Variants in BRSK1 observed in about 807,000 individuals in gnomAD.
BRSK1 encodes the protein serine/threonine-protein kinase BRSK1.
A neutral mutation model predicts 86.2 loss-of-function variants in BRSK1; 17 were observed. That is an observed-to-expected ratio of 0.20 (90% CI 0.14 to 0.30). BRSK1 has a LOEUF of 0.30. BRSK1 is among the 10% of genes least tolerant of loss of function. The probability of loss-of-function intolerance (pLI) is 1.00; values close to 1 mark genes in which losing one functional copy is unlikely to be tolerated. For missense variants in BRSK1, 719 were observed against 1,071.9 expected (o/e 0.67, Z 4.60); for synonymous variants, 464 against 440.1 (o/e 1.05, Z -0.68).
chr19:55,301,542 C>T lies in BRSK1; in HGVS notation c.709C>T (p.Arg237Cys). The change falls in exon 8 of 19, where the codon CGC becomes TGC. Residue 237 changes from arginine to cysteine, a missense_variant. Coordinates refer to ENST00000309383, the MANE Select transcript of BRSK1 (RefSeq NM_032430.2). Reference sequence around the variant, plus strand: ...TCTGCCCTTTGATGACGACAACCTCCGCCAGCTGCTGGAGAAGGTGAAACG... The same window carrying T: ...TCTGCCCTTTGATGACGACAACCTCTGCCAGCTGCTGGAGAAGGTGAAACG... ...GALPFDDDNL[R>C]QLLEKVKRGV... 1 of 1,613,910 alleles carries T rather than the reference C, an allele frequency of 6.2e-7. No individual in the cohort carries two copies. Among genetic ancestry groups the T allele is most frequent in the Non-Finnish European group, 8.5e-7 (1 of 1,179,956 alleles).
In BRSK1 at chr19:55,303,496, A is replaced by G; in HGVS notation, c.1126+88A>G. On this transcript the variant is annotated intron_variant, in intron 11 of 18. Transcript: ENST00000309383. The surrounding 1 kb of genome is among the most constrained non-coding windows in gnomAD (Gnocchi z 5.1). ...GGGACCCCAGATTCCCAAGGAAAGA[A>G]GGGGCTGCAGGCTCTGAGCTTCCAG... 6.7e-7 allele frequency: 1 copy of G among 1,495,884 alleles called. No individual in the cohort carries two copies. Among genetic ancestry groups the G allele is most frequent in the Admixed American group, 1.7e-5 (1 of 57,372 alleles). 92.7% of individuals were successfully genotyped at this position (1,495,884 alleles called of 1,614,324 possible). A position where few individuals can be genotyped will look rare whatever the true frequency, so the allele number is the denominator to read the frequency against.
In BRSK1 at chr19:55,291,029, T is replaced by C. The variant is rs907017292; in HGVS notation, c.458+1409T>C. Among the ~76,000 whole-genome samples the C allele has an allele frequency of 5.9e-5, 9 of 152,258 alleles. No individual in the cohort carries two copies. The East Asian group carries it at 1.2e-3, about 20-fold the overall frequency. Reference sequence around the variant, plus strand: ...TTCTGTATATTTTCTAGAAGTTGTATAGTTATAGCTCTTGCATTTAGGTCT... The same window carrying C: ...TTCTGTATATTTTCTAGAAGTTGTACAGTTATAGCTCTTGCATTTAGGTCT... On this transcript the variant is annotated intron_variant, in intron 4 of 18. Coordinates refer to ENST00000309383, the MANE Select transcript of BRSK1 (RefSeq NM_032430.2).
Position 55,306,082 on chromosome 19 carries a change from G to A in BRSK1, c.1891-170G>A, listed in dbSNP as rs1043471516. ...ACCATTCCTCCCTTACTCGCTGATA[G>A]GATAGAGAAAGCTACAAGTCCTTGC... On this transcript the variant is annotated intron_variant, in intron 16 of 18. Transcript: ENST00000309383. This position sits in a 1 kb window ranked among gnomAD's most constrained non-coding sequence, Gnocchi z 4.7. Among the ~76,000 whole-genome samples, 2 of 152,186 alleles carry A rather than the reference G, an allele frequency of 1.3e-5. No homozygotes were observed. The highest frequency in any genetic ancestry group is 1.9e-4 in the East Asian group (1 of 5,200).
At chr19:55,291,632 C>T (rs982561523) in intron 4 of BRSK1, among the ~76,000 whole-genome samples, 1 of 152,312 alleles carries the variant, frequency 6.6e-6, no homozygotes, top group African/African-American at 2.4e-5. Context: ...CATCTTTTAG[C>T]CTCCTTCATT....
chr19:55,303,067 G>T lies in BRSK1; in HGVS notation c.1028+200G>T, dbSNP rs1035469680. 4.3e-5 allele frequency: 29 copies of T among 669,554 alleles called. No individual in the cohort carries two copies. Among genetic ancestry groups the T allele is most frequent in the Non-Finnish European group, 6.5e-5 (26 of 400,760 alleles). 41.5% of individuals were successfully genotyped at this position (669,554 alleles called of 1,614,324 possible). ...AAGTATTAATAGATGCTGCGACATA[G>T]TACTTACATATACATAGTACTTACA... On this transcript the variant is annotated intron_variant, in intron 10 of 18. Transcript: ENST00000309383. The surrounding 1 kb of genome is among the most constrained non-coding windows in gnomAD (Gnocchi z 5.1).
In BRSK1 at chr19:55,303,996, G is replaced by GT. The variant is rs1430942632; in HGVS notation, c.1287-49dup. On this transcript the variant is annotated intron_variant, in intron 12 of 18. Transcript: ENST00000309383. The surrounding 1 kb of genome is among the most constrained non-coding windows in gnomAD (Gnocchi z 5.1). ...CTGTAGAAGTGAGGGAACATCTGTGGTTTTTGAAACCCTCCCATCTGATTT... is the reference window on the plus strand; with the variant it reads ...CTGTAGAAGTGAGGGAACATCTGTGGTTTTTTGAAACCCTCCCATCTGATTT... 1.9e-6 allele frequency: 3 copies of GT among 1,561,666 alleles called. No individual in the cohort carries two copies. The African/African-American group carries it at 4.1e-5, about 21-fold the overall frequency.
At chr19:55,290,936 C>T (rs555310603) in intron 4 of BRSK1, among the ~76,000 whole-genome samples, 13 of 151,474 alleles carry the variant, frequency 8.6e-5, no homozygotes, top group African/African-American at 2.7e-4. Flanking sequence ...CCACCGCGCC[C>T]GGCCTACACC....
At chr19:55,298,157 C>T (rs900903769) in intron 7 of BRSK1, among the ~76,000 whole-genome samples, 4 of 149,698 alleles carry the variant, frequency 2.7e-5, no homozygotes, top group Non-Finnish European at 4.4e-5. Flanking sequence ...AAGCCCCTGG[C>T]ACAATGCTTG....
intron 1 of BRSK1, among the ~76,000 whole-genome samples, chr19:55,286,004 G>T (rs1359487814): frequency 1.4e-5 from 2 of 142,636 alleles, no homozygotes; most frequent in Admixed American, 1.4e-4. Flanking sequence ...AGGAGGAACT[G>T]GGGGTCTGGA....
Position 55,284,212 on chromosome 19 carries a change from C to T in BRSK1, c.-231C>T. On this transcript the variant is annotated 5_prime_UTR_variant, in exon 1 of 19. Transcript: ENST00000309383. ...TGGGGAGGGGGGGCCCCGCAGCCCCCCTGGGCCATGCTGACTCCCGGGGCC... is the reference window on the plus strand; with the variant it reads ...TGGGGAGGGGGGGCCCCGCAGCCCCTCTGGGCCATGCTGACTCCCGGGGCC... 1.4e-6 allele frequency: 1 copy of T among 711,450 alleles called. No homozygotes were observed. Among genetic ancestry groups the T allele is most frequent in the Non-Finnish European group, 1.9e-6 (1 of 515,370 alleles). The allele number at this position is 711,450 out of a possible 1,614,324, so 44.1% of individuals were successfully genotyped here. A position where few individuals can be genotyped will look rare whatever the true frequency, so the allele number is the denominator to read the frequency against.
rs1314412227 is a variant in BRSK1, at chr19:55,294,274, A to T, written c.609+27A>T. The T allele has an allele frequency of 1.2e-6, 2 of 1,613,888 alleles. No homozygotes were observed. The highest frequency in any genetic ancestry group is 4.5e-5 in the East Asian group (2 of 44,874). On this transcript the variant is annotated intron_variant, in intron 6 of 18. Transcript: ENST00000309383. The surrounding 1 kb of genome is among the most constrained non-coding windows in gnomAD (Gnocchi z 4.9). Reference sequence around the variant, plus strand: ...TGAGTGAGGGGCGGATAGAGGGGAGAGGGGTGGAGGCAGCAGTGAGGAGCG... The same window carrying T: ...TGAGTGAGGGGCGGATAGAGGGGAGTGGGGTGGAGGCAGCAGTGAGGAGCG...
In BRSK1 at chr19:55,304,669, G is replaced by A; in HGVS notation, c.1466G>A (p.Gly489Glu). Residue 489 changes from glycine (G) to glutamate (E), a missense_variant, in exon 14 of 19, where the codon GGG (glycine) becomes GAG (glutamate). Around this residue, in one of 6 missense-constraint regions of BRSK1, gnomAD observed 143 missense variants for 120.1 expected, o/e 1.19. Transcript: ENST00000309383. This position sits in a 1 kb window ranked among gnomAD's most constrained non-coding sequence, Gnocchi z 5.2. Reference protein sequence around the residue: ...PSRGPRGGGAGEQPPPPSARS... With the variant: ...PSRGPRGGGAEEQPPPPSARS... ...CGGGGCCCCAGGGGTGGGGGCGCCGGGGAGCAGCCCCCGCCCCCCAGTGCC... is the reference window on the plus strand; with the variant it reads ...CGGGGCCCCAGGGGTGGGGGCGCCGAGGAGCAGCCCCCGCCCCCCAGTGCC... 3 of 1,491,930 alleles carry A rather than the reference G, an allele frequency of 2.0e-6. No homozygotes were observed. Among genetic ancestry groups the A allele is most frequent in the African/African-American group, 2.9e-5 (2 of 70,124 alleles). 92.4% of individuals were successfully genotyped at this position (1,491,930 alleles called of 1,614,324 possible). A position where few individuals can be genotyped will look rare whatever the true frequency, so the allele number is the denominator to read the frequency against.
chr19:55,286,144 GA>G (rs1320369862), intron 1 of BRSK1, among the ~76,000 whole-genome samples: 29 of 125,134 alleles, frequency 2.3e-4, no homozygotes, highest in African/African-American at 3.0e-4. Flanking sequence ...TCTGAGGGAG[GA>G]AGGGGCTGGG....
In BRSK1 at chr19:55,306,149, C is replaced by T; in HGVS notation, c.1891-103C>T. On this transcript the variant is annotated intron_variant, in intron 16 of 18. Transcript: ENST00000309383. The surrounding 1 kb of genome is among the most constrained non-coding windows in gnomAD (Gnocchi z 4.7). ...CAATGCATTTCCTGTCCTTCTTTCC[C>T]TCCAGTGGCTCATGGGACTCGTAGT... 1 of 1,166,178 alleles carries T rather than the reference C, an allele frequency of 8.6e-7. No homozygotes were observed. The allele number at this position is 1,166,178 out of a possible 1,614,324, so 72.2% of individuals were successfully genotyped here.
rs560850067 is a variant in BRSK1 at position 55,294,646 on chromosome 19, C to T, written c.678+249C>T. On this transcript the variant is annotated intron_variant, in intron 7 of 18. Transcript: ENST00000309383. This position sits in a 1 kb window ranked among gnomAD's most constrained non-coding sequence, Gnocchi z 4.9. The stretch of plus-strand genomic sequence containing the variant: ...CCTCCCAAGTAGCTGGGATTGCAGG[C>T]GCCCACCACCACTTCCAGATAATTT... 5.3e-5 allele frequency among the ~76,000 whole-genome samples: 8 copies of T among 151,710 alleles called. No individual in the cohort carries two copies. Among genetic ancestry groups the T allele is most frequent in the South Asian group, 2.1e-4 (1 of 4,786 alleles).
rs1056605023 is a variant in BRSK1 at position 55,304,970 on chromosome 19, A to G, written c.1717+50A>G. The G allele has an allele frequency of 6.3e-6, 10 of 1,591,162 alleles. No homozygotes were observed. In the Admixed American group the frequency reaches 1.5e-4, roughly 25 times the overall value. ...CCTAATGTGGGGAGAGGTTGGGGCT[A>G]AAAATCTGGTTCCAGGGATGTCCGT... On this transcript the variant is annotated intron_variant, in intron 14 of 18. Transcript: ENST00000309383. This position sits in a 1 kb window ranked among gnomAD's most constrained non-coding sequence, Gnocchi z 5.2.
At chr19:55,285,968 T>TGG (rs1161747971) in intron 1 of BRSK1, among the ~76,000 whole-genome samples, 32 of 138,942 alleles carry the variant, frequency 2.3e-4, no homozygotes, top group East Asian at 8.5e-4. Context: ...GAGGAGGGGC[T>TGG]GGGCCTGGAG....
At position 55,302,565 on chromosome 19, in the gene BRSK1, G is replaced by C. The variant is rs1218592762; in HGVS notation, c.858-132G>C. On this transcript the variant is annotated intron_variant, in intron 9 of 18. Coordinates refer to ENST00000309383, the MANE Select transcript of BRSK1 (RefSeq NM_032430.2). This position sits in a 1 kb window ranked among gnomAD's most constrained non-coding sequence, Gnocchi z 6.3. ...ATGGGGGGCGAGGTCTGGGGCGTCT[G>C]GATTCCTGGGTATGAGAGAGAAGGG... 6.6e-6 allele frequency: 8 copies of C among 1,218,806 alleles called. No individual in the cohort carries two copies. In the South Asian group the frequency reaches 1.0e-4, roughly 16 times the overall value. 75.5% of individuals were successfully genotyped at this position (1,218,806 alleles called of 1,614,324 possible).
At chr19:55,295,971 A>T (rs2088480738) in intron 7 of BRSK1, among the ~76,000 whole-genome samples, 3 of 151,866 alleles carry the variant, frequency 2.0e-5, no homozygotes, top group South Asian at 4.2e-4. Flanking sequence ...CCTATCTAAA[A>T]ATATATATAT....
Sources: gnomAD v4.1 joint callset for allele counts (sites outside exome capture counted in the v4.1 genomes callset) on GRCh38, gnomAD v4.1.1 for gene constraint, gnomAD v4.1.1 regional missense constraint, Gnocchi (gnomAD v3.1) non-coding constraint, MANE v1.5 for transcripts, NCBI Gene and HGNC (gene_info 2026-07-23, HGNC 2026-07-21) for gene names.